The following CHSY3 variants were observed in gnomAD, a reference collection of about 807,000 sequenced individuals.
CHSY3 encodes N-acetylgalactosaminyl-proteoglycan 3-beta-glucuronosyltransferase 3.
In CHSY3, 35 loss-of-function variants were observed where a neutral mutation model predicts 67.2. That is an observed-to-expected ratio of 0.52 (90% CI 0.40 to 0.69). The LOEUF is 0.69. Ranked by LOEUF, CHSY3 falls within the 30% of genes least tolerant of loss-of-function variation. The pLI is 0.00. For synonymous variants in CHSY3, 474 were observed against 434.7 expected (o/e 1.09, Z -1.12); for missense variants, 1,069 against 1,138.5 (o/e 0.94, Z 0.88).
At chr5:129,929,913 A>C (rs867416134) in intron 2 of CHSY3, among the ~76,000 whole-genome samples, 24 of 152,202 alleles carry the variant, frequency 1.6e-4, no homozygotes, top group African/African-American at 5.1e-4. Flanking sequence ...GCTCCAGATA[A>C]TCTCTTTAGA....
chr5:130,112,697 T>C (rs1159918865), intron 2 of CHSY3, among the ~76,000 whole-genome samples: 1 of 152,156 alleles, frequency 6.6e-6, no homozygotes, highest in Admixed American at 6.6e-5. Context: ...TAGACTGGAA[T>C]GGCTTAAGTT....
chr5:129,956,066 G>A (rs1182902642), intron 2 of CHSY3, among the ~76,000 whole-genome samples: 1 of 152,104 alleles, frequency 6.6e-6, no homozygotes, highest in Non-Finnish European at 1.5e-5. Context: ...GGATTGCTGG[G>A]TTGAAGGTTC....
At chr5:130,111,134 A>G (rs1229955312) in intron 2 of CHSY3, among the ~76,000 whole-genome samples, 3 of 152,082 alleles carry the variant, frequency 2.0e-5, no homozygotes, top group Admixed American at 2.0e-4. Flanking sequence ...CTCAAATCCT[A>G]TTTGCCAGCC....
intron 2 of CHSY3, among the ~76,000 whole-genome samples, chr5:130,086,290 G>A (rs1256201012): frequency 1.3e-5 from 2 of 151,964 alleles, no homozygotes; most frequent in African/African-American, 4.8e-5. Context: ...GAATCTGGGT[G>A]CTCCTGTATT....
In CHSY3 at chr5:129,914,392, C is replaced by T. The variant is rs112519765; in HGVS notation, c.1086+6032C>T. Among the ~76,000 whole-genome samples the T allele has an allele frequency of 4.6e-5, 7 of 152,300 alleles. 1 individual carries two copies. Among genetic ancestry groups the T allele is most frequent in the African/African-American group, 9.6e-5 (4 of 41,566 alleles). On this transcript the variant is annotated intron_variant, in intron 2 of 2. Coordinates refer to ENST00000305031, the MANE Select transcript of CHSY3 (RefSeq NM_175856.5). The stretch of plus-strand genomic sequence containing the variant: ...CCTCCCAAAGTGCTGGGATTACAGG[C>T]GTAAGCCACCGCGCCCAGCCAAATT...
chr5:130,049,742 A>C (rs1765272215), intron 2 of CHSY3, among the ~76,000 whole-genome samples: 1 of 150,070 alleles, frequency 6.7e-6, no homozygotes, highest in Non-Finnish European at 1.5e-5. Context: ...AGAATCAATT[A>C]TAAAACGTTC....
intron 2 of CHSY3, among the ~76,000 whole-genome samples, chr5:130,066,172 C>T (rs1171704499): frequency 2.0e-5 from 3 of 152,094 alleles, no homozygotes; most frequent in Non-Finnish European, 1.5e-5. Flanking sequence ...TACTCCTGTT[C>T]ATGTATCTCT....
intron 2 of CHSY3, chr5:130,001,897 C>A: frequency 1.1e-6 from 1 of 917,278 alleles, no homozygotes; most frequent in African/African-American, 1.8e-5. Context: ...ATGGTGGAAG[C>A]TGAAACAGTC....
chr5:129,955,810 A>G (rs1477452047), intron 2 of CHSY3, among the ~76,000 whole-genome samples: 4 of 152,056 alleles, frequency 2.6e-5, no homozygotes, highest in Admixed American at 1.3e-4. Context: ...CTGTTCTTGC[A>G]TTAGTTTGCT....
intron 2 of CHSY3, among the ~76,000 whole-genome samples, chr5:129,986,747 A>G (rs1326861607): frequency 6.6e-6 from 1 of 152,096 alleles, no homozygotes; most frequent in Admixed American, 6.5e-5. Flanking sequence ...GGTCCAAACA[A>G]TTCTCCTGCC....
At chr5:130,173,595 G>A (rs572386570) in intron 2 of CHSY3, among the ~76,000 whole-genome samples, 58 of 152,120 alleles carry the variant, frequency 3.8e-4, no homozygotes, top group African/African-American at 1.3e-3. Context: ...CTATTATCAA[G>A]GTGTTATTAT....
chr5:130,087,061 A>T (rs1275229750), intron 2 of CHSY3, among the ~76,000 whole-genome samples: 1 of 152,206 alleles, frequency 6.6e-6, no homozygotes, highest in Non-Finnish European at 1.5e-5. Flanking sequence ...GGCTGTTTCA[A>T]TATATGCAAA....
At chr5:130,163,271 T>C (rs1769613827) in intron 2 of CHSY3, among the ~76,000 whole-genome samples, 1 of 152,164 alleles carries the variant, frequency 6.6e-6, no homozygotes, top group Non-Finnish European at 1.5e-5. Flanking sequence ...AAATGAAACA[T>C]ATTTTATTAA....
chr5:130,094,605 G>A (rs553022507), intron 2 of CHSY3, among the ~76,000 whole-genome samples: 179 of 152,218 alleles, frequency 1.2e-3, no homozygotes, highest in Middle Eastern at 3.4e-3. Flanking sequence ...GAAGTGTGGA[G>A]GTGGATACAT....
At chr5:130,041,386 G>A (rs910084312) in intron 2 of CHSY3, among the ~76,000 whole-genome samples, 1 of 152,072 alleles carries the variant, frequency 6.6e-6, no homozygotes, top group Non-Finnish European at 1.5e-5. Flanking sequence ...ACCTGAAGCT[G>A]CCTCTAGGCA....
chr5:130,017,774 G>C (rs1764255790), intron 2 of CHSY3, among the ~76,000 whole-genome samples: 1 of 151,832 alleles, frequency 6.6e-6, no homozygotes, highest in Admixed American at 6.6e-5. Context: ...ATAAAATATA[G>C]CTTTTAAAAA....
At chr5:129,945,570 T>A (rs139668342) in intron 2 of CHSY3, among the ~76,000 whole-genome samples, 42 of 152,292 alleles carry the variant, frequency 2.8e-4, no homozygotes, top group African/African-American at 9.4e-4. Context: ...TTAAGGGTAC[T>A]ACTTTTTGGG....
chr5:130,176,899 G>A (rs1042300116), intron 2 of CHSY3, among the ~76,000 whole-genome samples: 1 of 152,098 alleles, frequency 6.6e-6, no homozygotes, highest in African/African-American at 2.4e-5. Context: ...TAGGTGATGG[G>A]TTGATGAGTG....
chr5:129,947,895 C>A (rs1049449713), intron 2 of CHSY3, among the ~76,000 whole-genome samples: 3 of 152,092 alleles, frequency 2.0e-5, no homozygotes, highest in African/African-American at 7.2e-5. Context: ...TACCTGTTGG[C>A]TATTTGTATG....
Sources: allele counts gnomAD v4.1 joint callset (sites outside exome capture counted in the v4.1 genomes callset), GRCh38; gene constraint gnomAD v4.1.1; transcripts MANE v1.5; gene names NCBI Gene and HGNC (gene_info 2026-07-23, HGNC 2026-07-21).